The following GOLPH3 variants were observed in gnomAD, a reference collection of about 807,000 sequenced individuals.
GOLPH3 encodes golgi phosphoprotein 3, also known as coat protein GPP34.
Under a neutral mutation model 28.5 loss-of-function variants are expected in GOLPH3, and 14 were observed. The ratio of observed to expected loss-of-function variants is 0.49; its 90% confidence interval spans 0.32 to 0.77. GOLPH3 has a LOEUF of 0.77. GOLPH3 is among the 30% of genes least tolerant of loss of function. The pLI, the probability that GOLPH3 is intolerant of heterozygous loss-of-function variation, is 0.03. For missense variants in GOLPH3, 350 were observed against 393.7 expected, an observed-to-expected ratio of 0.89 and a Z score of 0.94; for synonymous variants, 158 against 159.2, an observed-to-expected ratio of 0.99 and a Z score of 0.06.
Position 32,162,263 on chromosome 5 carries a change from T to C in GOLPH3, c.225+11547A>G, listed in dbSNP as rs111470355. ...ATCCCAGCACTTTGGGAGGCCAAGG[T>C]GGGCGGATCACGAGGTCAGGAGATA... On this transcript the variant is annotated intron_variant, in intron 1 of 3. Transcript: ENST00000265070. Among the ~76,000 whole-genome samples the C allele has an allele frequency of 3.3e-4, 49 of 146,974 alleles. No individual in the cohort carries two copies. In the East Asian group the frequency reaches 6.5e-3, roughly 20 times the overall value.
intron 1 of GOLPH3, among the ~76,000 whole-genome samples, chr5:32,149,911 C>T (rs1419007243): frequency 1.3e-5 from 2 of 151,706 alleles, no homozygotes; most frequent in African/African-American, 4.8e-5. Context: ...GCAGGAGAAT[C>T]GCTAGATCCT....
At chr5:32,171,618 A>G (rs1746839375) in intron 1 of GOLPH3, among the ~76,000 whole-genome samples, 1 of 151,422 alleles carries the variant, frequency 6.6e-6, no homozygotes, top group African/African-American at 2.4e-5. Flanking sequence ...TGTATTTTCT[A>G]AAATGTCTAT....
At chr5:32,160,658 A>C (rs1437605108) in intron 1 of GOLPH3, among the ~76,000 whole-genome samples, 1 of 152,248 alleles carries the variant, frequency 6.6e-6, no homozygotes, top group Non-Finnish European at 1.5e-5. Flanking sequence ...CTAAGAAGTT[A>C]GATTAAGGTG....
chr5:32,144,473 G>A (rs142725251), intron 1 of GOLPH3, among the ~76,000 whole-genome samples: 2,381 of 152,080 alleles, frequency 0.016, 1 homozygote, highest in Non-Finnish European at 0.022. Context: ...ACCTGTAGTC[G>A]CAGCTACCCA....
At chr5:32,138,007 A>T (rs1206911704) in intron 2 of GOLPH3, among the ~76,000 whole-genome samples, 2 of 151,000 alleles carry the variant, frequency 1.3e-5, no homozygotes, top group Non-Finnish European at 2.9e-5. Context: ...GGGTTCAAGC[A>T]ATTCTCCTGC....
At chr5:32,164,900 C>CTT (rs760066281) in intron 1 of GOLPH3, among the ~76,000 whole-genome samples, 4,625 of 119,754 alleles carry the variant, frequency 0.039, 424 homozygotes, top group African/African-American at 0.14. Context: ...ATTATGTATT[C>CTT]TTTTTTTTTT....
At position 32,126,345 on chromosome 5, in the gene GOLPH3, G is replaced by C; in HGVS notation, c.764C>G (p.Pro255Arg). ...ASDVLENAFA[P>R]LLDEQYDLAT... ...CAAATCATACTGCTCGTCCAGAAGA[G>C]GAGCAAAAGCATTCTCCAGGACGTC... is the stretch of plus-strand genomic sequence containing the variant. Residue 255 changes from proline (P) to arginine (R), a missense_variant, in exon 4 of 4, where the codon CCT becomes CGT. Pro to Arg is a moderately radical substitution (Grantham distance 103, BLOSUM62 -2). Transcript: ENST00000265070. 1 of 1,614,182 alleles carries C rather than the reference G, an allele frequency of 6.2e-7. No homozygotes were observed. The highest frequency in any genetic ancestry group is 2.2e-5 in the East Asian group (1 of 44,878).
At chr5:32,134,930 A>C (rs1315359916) in intron 3 of GOLPH3, 6 of 152,254 alleles carry the variant, frequency 3.9e-5, no homozygotes, top group African/African-American at 1.4e-4. Flanking sequence ...TCATGTTAAT[A>C]CACAAATAAC....
At chr5:32,161,899 C>A (rs1746589014) in intron 1 of GOLPH3, among the ~76,000 whole-genome samples, 1 of 150,866 alleles carries the variant, frequency 6.6e-6, no homozygotes, top group South Asian at 2.1e-4. Flanking sequence ...TGGTGACGGG[C>A]GCCTGTAGTC....
Position 32,126,195 on chromosome 5 carries a change from G to C in GOLPH3, c.*17C>G, listed in dbSNP as rs990392825. On this transcript the variant is annotated 3_prime_UTR_variant, in exon 4 of 4. Transcript: ENST00000265070. ...GGTTTACTTGAGAGAAAGGAGAATG[G>C]TTCACCCCGAGCAGAGTTACTTGGT... 1.3e-6 allele frequency: 2 copies of C among 1,597,818 alleles called. No individual in the cohort carries two copies. Among genetic ancestry groups the C allele is most frequent in the Non-Finnish European group, 1.7e-6 (2 of 1,169,060 alleles).
intron 1 of GOLPH3, among the ~76,000 whole-genome samples, chr5:32,172,708 A>C (rs1240180874): frequency 6.6e-6 from 1 of 150,798 alleles, no homozygotes; most frequent in Non-Finnish European, 1.5e-5. Context: ...AACAAAACAA[A>C]ACAAAAACAC....
chr5:32,164,438 G>C (rs1015013329), intron 1 of GOLPH3, among the ~76,000 whole-genome samples: 1 of 151,516 alleles, frequency 6.6e-6, no homozygotes, highest in Non-Finnish European at 1.5e-5. Context: ...CTGTTGCCCA[G>C]GCTGGAGTGC....
intron 2 of GOLPH3, among the ~76,000 whole-genome samples, chr5:32,141,746 C>A (rs1364225999): frequency 6.6e-6 from 1 of 152,148 alleles, no homozygotes; most frequent in East Asian, 1.9e-4. Flanking sequence ...CGATTGCAGG[C>A]GCGCGCCGCC....
intron 1 of GOLPH3, among the ~76,000 whole-genome samples, chr5:32,153,490 C>T (rs1476133949): frequency 6.6e-6 from 1 of 150,440 alleles, no homozygotes; most frequent in Non-Finnish European, 1.5e-5. Context: ...CAAAGAAAAG[C>T]TATTTTAACT....
intron 3 of GOLPH3, among the ~76,000 whole-genome samples, chr5:32,132,803 G>T (rs541928473): frequency 6.6e-6 from 1 of 152,052 alleles, no homozygotes; most frequent in African/African-American, 2.4e-5. Flanking sequence ...CAGCAAGCTG[G>T]TATCTTGATA....
chr5:32,164,086 A>G lies in GOLPH3; in HGVS notation c.225+9724T>C, dbSNP rs116019567. 2.3e-3 allele frequency among the ~76,000 whole-genome samples: 346 copies of G among 152,336 alleles called. 3 individuals are homozygous for G. The highest frequency in any genetic ancestry group is 7.9e-3 in the African/African-American group (327 of 41,590). On this transcript the variant is annotated intron_variant, in intron 1 of 3. Transcript: ENST00000265070. ...AACTTTTACCTTAAAACTTTAACTC[A>G]TAAGTTCCTACACGCAGTTCAGTAT...
chr5:32,157,917 C>T (rs1185646904), intron 1 of GOLPH3, among the ~76,000 whole-genome samples: 2 of 151,224 alleles, frequency 1.3e-5, no homozygotes, highest in East Asian at 3.9e-4. Context: ...GAGGAGGTTG[C>T]AGTGAGCCGA....
chr5:32,128,218 C>T (rs1047005111), intron 3 of GOLPH3, among the ~76,000 whole-genome samples: 1 of 152,156 alleles, frequency 6.6e-6, no homozygotes, highest in Non-Finnish European at 1.5e-5. Context: ...TTCAGTAGAG[C>T]TGGGAAAAAT....
At chr5:32,144,786 A>G (rs1304218111) in intron 1 of GOLPH3, among the ~76,000 whole-genome samples, 1 of 152,174 alleles carries the variant, frequency 6.6e-6, no homozygotes, top group African/African-American at 2.4e-5. Context: ...ACATCTAGAG[A>G]TCTGGGATAC....
Sources: allele counts gnomAD v4.1 joint callset (sites outside exome capture counted in the v4.1 genomes callset), GRCh38; gene constraint gnomAD v4.1.1; transcripts MANE v1.5; gene names NCBI Gene and HGNC (gene_info 2026-07-23, HGNC 2026-07-21).